The following PARVA variants were observed in gnomAD, a reference collection of about 807,000 sequenced individuals.
PARVA encodes the protein alpha-parvin.
A neutral mutation model predicts 52.6 loss-of-function variants in PARVA; 25 were observed. The observed-to-expected ratio is 0.48, with a 90% CI of 0.35 to 0.66. The LOEUF (loss-of-function observed/expected upper bound fraction) is 0.66, where lower values mean the gene tolerates loss of function less well. PARVA is among the 30% of genes least tolerant of loss of function. The pLI is 0.01. For synonymous variants in PARVA, 185 were observed against 179.1 expected, an observed-to-expected ratio of 1.03 and a Z score of -0.26; for missense variants, 373 against 450.9, an observed-to-expected ratio of 0.83 and a Z score of 1.56.
In PARVA at chr11:12,528,121, C is replaced by A; in HGVS notation, c.*196C>A. 1 of 574,492 alleles carries A rather than the reference C, an allele frequency of 1.7e-6. No homozygotes were observed. The highest frequency in any genetic ancestry group is 2.8e-5 in the Admixed American group (1 of 35,342). 35.6% of individuals were successfully genotyped at this position (574,492 alleles called of 1,614,324 possible). On this transcript the variant is annotated 3_prime_UTR_variant, in exon 13 of 13. Coordinates refer to ENST00000334956, the MANE Select transcript of PARVA (RefSeq NM_018222.5). ...ACTCAGTGGGCTGACCCATCCCTCC[C>A]AGGCGCTGGGGACCAACCTAGCAAT... is the stretch of plus-strand genomic sequence containing the variant.
At chr11:12,429,761 C>A (rs1041153321) in intron 1 of PARVA, among the ~76,000 whole-genome samples, 2 of 152,124 alleles carry the variant, frequency 1.3e-5, no homozygotes, top group East Asian at 1.9e-4. Flanking sequence ...AAAAATCAGA[C>A]CTTGGCGATG....
intron 1 of PARVA, among the ~76,000 whole-genome samples, chr11:12,469,673 T>C (rs1453208689): frequency 6.6e-6 from 1 of 152,220 alleles, no homozygotes; most frequent in Admixed American, 6.5e-5. Context: ...TTACAAACAG[T>C]TGGCTCAGAG....
At chr11:12,446,864 C>T (rs1940554687) in intron 1 of PARVA, among the ~76,000 whole-genome samples, 1 of 152,124 alleles carries the variant, frequency 6.6e-6, no homozygotes, top group Non-Finnish European at 1.5e-5. Flanking sequence ...CCAGGTTTTC[C>T]ATAAAAATAG....
chr11:12,447,745 T>G (rs2135010832), intron 1 of PARVA, among the ~76,000 whole-genome samples: 1 of 152,174 alleles, frequency 6.6e-6, no homozygotes, highest in Non-Finnish European at 1.5e-5. Context: ...TTATCAAAAT[T>G]TATAAAAGGA....
chr11:12,493,046 T>A (rs1243540211), intron 4 of PARVA, among the ~76,000 whole-genome samples: 1 of 152,118 alleles, frequency 6.6e-6, no homozygotes, highest in Non-Finnish European at 1.5e-5. Context: ...TATACTATAA[T>A]CTCATTTTCA....
intron 1 of PARVA, among the ~76,000 whole-genome samples, chr11:12,404,151 C>T (rs934141450): frequency 4.6e-5 from 7 of 151,456 alleles, no homozygotes; most frequent in Admixed American, 3.3e-4. Flanking sequence ...GGAGGCTTGC[C>T]AGGACCTCAG....
intron 12 of PARVA, among the ~76,000 whole-genome samples, chr11:12,522,939 C>T (rs1428919887): frequency 2.6e-5 from 4 of 151,764 alleles, no homozygotes; most frequent in African/African-American, 7.3e-5. Context: ...AGTGTCAGCA[C>T]AGTGGTTATA....
chr11:12,429,563 G>A (rs1275112321), intron 1 of PARVA, among the ~76,000 whole-genome samples: 2 of 152,086 alleles, frequency 1.3e-5, no homozygotes, highest in Admixed American at 6.5e-5. Context: ...GAATACTTTT[G>A]ATACTTTGAG....
In PARVA at chr11:12,504,774, G is replaced by GGTGTGT. The variant is rs58878351; in HGVS notation, c.657+359_657+364dup. 4.0e-3 allele frequency among the ~76,000 whole-genome samples: 597 copies of GGTGTGT among 149,204 alleles called. 3 individuals carry two copies. The highest frequency in any genetic ancestry group is 9.8e-3 in the African/African-American group (397 of 40,338). On this transcript the variant is annotated intron_variant, in intron 6 of 12. Transcript: ENST00000334956. ...ATGGGGTCAGGAGGAAAGGTATGTG[G>GGTGTGT]GTGTGTGTGTGTGTGTGTGAGTTTG...
In PARVA at chr11:12,513,114, G is replaced by A. The variant is rs777827607; in HGVS notation, c.737-185G>A. 4.7e-5 allele frequency: 33 copies of A among 707,176 alleles called. No homozygotes were observed. In the Admixed American group the frequency reaches 6.2e-4, roughly 13 times the overall value. 43.8% of individuals were successfully genotyped at this position (707,176 alleles called of 1,614,324 possible). ...GGACACAGACACAGGCTCCCAGGGT[G>A]AGAATCACCCCAAATCTTAGCCCCA... On this transcript the variant is annotated intron_variant, in intron 8 of 12. Transcript: ENST00000334956.
intron 5 of PARVA, among the ~76,000 whole-genome samples, chr11:12,497,739 G>A (rs1018475932): frequency 2.0e-5 from 3 of 152,186 alleles, no homozygotes; most frequent in Non-Finnish European, 4.4e-5. Context: ...GAGGGGCTCT[G>A]TTTCACTGTG....
intron 1 of PARVA, among the ~76,000 whole-genome samples, chr11:12,463,778 A>T (rs933566603): frequency 1.3e-5 from 2 of 152,192 alleles, no homozygotes; most frequent in South Asian, 2.1e-4. Context: ...CTTCTCTTCC[A>T]TGTGTTAATT....
chr11:12,517,528 A>T (rs1490122068), intron 10 of PARVA, 82 bp from the exon 11 acceptor site: 2 of 1,026,572 alleles, frequency 1.9e-6, no homozygotes, highest in African/African-American at 1.6e-5. Context: ...CAGGTGGCAT[A>T]GCACAGAAGT....
At chr11:12,468,788 C>T (rs1277850188) in intron 1 of PARVA, among the ~76,000 whole-genome samples, 1 of 152,170 alleles carries the variant, frequency 6.6e-6, no homozygotes, top group Non-Finnish European at 1.5e-5. Context: ...ATGGCTGCAA[C>T]AAATCCAGGT....
At chr11:12,495,469 C>G (rs562748006) in intron 4 of PARVA, among the ~76,000 whole-genome samples, 1 of 152,290 alleles carries the variant, frequency 6.6e-6, no homozygotes, top group South Asian at 2.1e-4. Flanking sequence ...TAAATGTGTG[C>G]AGTTCTGTCA....
At chr11:12,383,675 C>G (rs1366143287) in intron 1 of PARVA, among the ~76,000 whole-genome samples, 1 of 152,124 alleles carries the variant, frequency 6.6e-6, no homozygotes, top group African/African-American at 2.4e-5. Context: ...ACATCTTTTT[C>G]TGTAGAGACA....
chr11:12,456,401 T>G (rs1940696551), intron 1 of PARVA, among the ~76,000 whole-genome samples: 1 of 152,142 alleles, frequency 6.6e-6, no homozygotes, highest in African/African-American at 2.4e-5. Flanking sequence ...GAGCCCAGGC[T>G]AATTCAAACT....
rs377500577 is a variant in PARVA at position 12,517,719 on chromosome 11, G to A, written c.969+8G>A. 439 of 1,579,268 alleles carry A rather than the reference G, an allele frequency of 2.8e-4. 1 individual carries two copies. Among genetic ancestry groups the A allele is most frequent in the Non-Finnish European group, 3.6e-4 (419 of 1,158,916 alleles). ...GACAGCTTTGAACAGAAGGTAAGGA[G>A]AAGGGACATCAAGGGAGGCCCCCTA... On this transcript the variant is annotated splice_region_variant and intron_variant, in intron 11 of 12. Transcript: ENST00000334956.
intron 1 of PARVA, among the ~76,000 whole-genome samples, chr11:12,382,595 A>T (rs561016506): frequency 5.3e-5 from 8 of 152,324 alleles, no homozygotes; most frequent in Admixed American, 5.2e-4. Context: ...ACTACATCAT[A>T]GAATGACTAT....
Sources: allele counts gnomAD v4.1 joint callset (sites outside exome capture counted in the v4.1 genomes callset), GRCh38; gene constraint gnomAD v4.1.1; transcripts MANE v1.5; gene names NCBI Gene and HGNC (gene_info 2026-07-23, HGNC 2026-07-21).